LRRC49: variants seen among roughly 807,000 people sequenced by gnomAD.
LRRC49 encodes the protein leucine-rich repeat-containing protein 49.
LRRC49 carries 50 observed loss-of-function variants against 83.3 expected under a neutral mutation model. The ratio of observed to expected loss-of-function variants is 0.60; its 90% CI spans 0.48 to 0.76. The LOEUF (loss-of-function observed/expected upper bound fraction) is 0.76, where lower values mean the gene tolerates loss of function less well. LRRC49 is among the 30% of genes least tolerant of loss of function. The pLI is 0.00. For missense variants in LRRC49, 704 were observed against 809.1 expected, an observed-to-expected ratio of 0.87 and a Z score of 1.58; for synonymous variants, 286 against 283.3, an observed-to-expected ratio of 1.01 and a Z score of -0.10.
intron 7 of LRRC49, among the ~76,000 whole-genome samples, chr15:70,927,760 A>T (rs563608621): frequency 3.5e-4 from 53 of 152,040 alleles, no homozygotes; most frequent in African/African-American, 1.3e-3. Flanking sequence ...CAATCCTCCC[A>T]CCTCAGCCTT....
intron 1 of LRRC49, among the ~76,000 whole-genome samples, chr15:70,868,838 A>G (rs933280097): frequency 2.6e-5 from 4 of 152,262 alleles, no homozygotes; most frequent in African/African-American, 9.6e-5. Context: ...AGATAATCCC[A>G]TCTAATCATT....
intron 9 of LRRC49, among the ~76,000 whole-genome samples, chr15:70,978,134 A>G (rs1336188950): frequency 1.3e-5 from 2 of 152,116 alleles, no homozygotes; most frequent in Non-Finnish European, 2.9e-5. Context: ...ACCTTCTTTA[A>G]TTCTAATATA....
At chr15:70,998,147 G>T (rs1165649788) in intron 11 of LRRC49, among the ~76,000 whole-genome samples, 2 of 151,994 alleles carry the variant, frequency 1.3e-5, no homozygotes, top group African/African-American at 4.8e-5. Flanking sequence ...TAAACATTGT[G>T]TGCACATTAT....
At chr15:70,878,016 C>T (rs2141081338) in intron 2 of LRRC49, among the ~76,000 whole-genome samples, 1 of 152,146 alleles carries the variant, frequency 6.6e-6, no homozygotes, top group East Asian at 1.9e-4. Flanking sequence ...GCCTGTAGTC[C>T]CAGCTACTCA....
chr15:71,041,979 CA>C (rs1415276807), intron 15 of LRRC49, among the ~76,000 whole-genome samples: 1 of 152,050 alleles, frequency 6.6e-6, no homozygotes, highest in Non-Finnish European at 1.5e-5. Context: ...CACCATGCAA[CA>C]AAAAATTAAC....
At chr15:71,025,875 C>G (rs920368394) in intron 14 of LRRC49, among the ~76,000 whole-genome samples, 4 of 152,100 alleles carry the variant, frequency 2.6e-5, no homozygotes, top group African/African-American at 9.7e-5. Context: ...ATTCATGAAA[C>G]AACTTCTTAG....
chr15:70,859,606 TGAC>T, intron 1 of LRRC49: 1 of 645,800 alleles, frequency 1.5e-6, no homozygotes, highest in Admixed American at 1.9e-5. Flanking sequence ...AGCTTGGGCA[TGAC>T]CTGCAGCCTA....
intron 1 of LRRC49, 23 bp from the exon 2 acceptor site, chr15:70,893,561 A>G (rs2033684133): frequency 1.3e-6 from 2 of 1,543,492 alleles, no homozygotes; most frequent in African/African-American, 1.4e-5. Context: ...AGCAAATTTT[A>G]TGGTTTAATT....
At chr15:70,956,668 TAA>T (rs1325472782) in intron 8 of LRRC49, among the ~76,000 whole-genome samples, 2 of 152,160 alleles carry the variant, frequency 1.3e-5, no homozygotes, top group Non-Finnish European at 2.9e-5. Flanking sequence ...TATTTGTACT[TAA>T]GAGTATTGTT....
rs1407121276 is a variant in LRRC49, at chr15:71,051,395, T to C, written c.*1783T>C. Reference sequence around the variant, plus strand: ...AGCTATTAGCATTGCTTTCTGATCCTTTAGCCTCTCCAAACTGAAACATAT... The same window carrying C: ...AGCTATTAGCATTGCTTTCTGATCCCTTAGCCTCTCCAAACTGAAACATAT... On this transcript the variant is annotated 3_prime_UTR_variant, in exon 16 of 16. Transcript: ENST00000260382. The C allele has an allele frequency of 6.6e-6, 1 of 152,262 alleles. No individual in the cohort carries two copies. The highest frequency in any genetic ancestry group is 1.5e-5 in the Non-Finnish European group (1 of 68,078). The allele number at this position is 152,262 out of a possible 1,614,324, so 9.4% of individuals were successfully genotyped here.
rs1359160068 is a variant in LRRC49 at position 71,052,996 on chromosome 15, G to A, written c.*3384G>A. The A allele has an allele frequency of 6.6e-6, 1 of 152,166 alleles. No homozygotes were observed. Among genetic ancestry groups the A allele is most frequent in the African/African-American group, 2.4e-5 (1 of 41,444 alleles). 9.4% of individuals were successfully genotyped at this position (152,166 alleles called of 1,614,324 possible). A position where few individuals can be genotyped will look rare whatever the true frequency, so the allele number is the denominator to read the frequency against. On this transcript the variant is annotated 3_prime_UTR_variant, in exon 16 of 16. Transcript: ENST00000260382. ...ATGTGCGGTATAAATACTAACAAAT[G>A]TATAAGTACACATGTACAATATTGT...
chr15:71,030,719 T>G (rs956170558), intron 14 of LRRC49, among the ~76,000 whole-genome samples: 8 of 152,118 alleles, frequency 5.3e-5, no homozygotes, highest in African/African-American at 1.9e-4. Context: ...TCATTCCTTT[T>G]CATTCTTTTT....
Position 70,963,885 on chromosome 15 carries a change from C to G in LRRC49, c.874C>G (p.Leu292Val), listed in dbSNP as rs1448245064. The G allele has an allele frequency of 5.0e-6, 8 of 1,613,504 alleles. No individual in the cohort carries two copies. The Admixed American group carries it at 1.3e-4, about 27-fold the overall frequency. Residue 292 changes from leucine to valine, a missense_variant, in exon 9 of 16, where the codon CTT becomes GTT. Transcript: ENST00000260382. ...AQESWYKHTVLQNMMQLRQLD... is the reference protein window; with the variant it reads ...AQESWYKHTVVQNMMQLRQLD... ...AGAGTCATGGTACAAACACACTGTC[C>G]TTCAGAATATGATGCAGCTGCGCCA...
intron 1 of LRRC49, chr15:70,860,222 A>G (rs546540398): frequency 0.011 from 6,703 of 583,558 alleles, 62 homozygotes; most frequent in Non-Finnish European, 0.014. Flanking sequence ...GCCCTGGAGG[A>G]GGCCGCTGTG....
chr15:71,027,798 C>T (rs1412977159), intron 14 of LRRC49, among the ~76,000 whole-genome samples: 3 of 152,130 alleles, frequency 2.0e-5, no homozygotes, highest in Non-Finnish European at 2.9e-5. Context: ...ATTTTGTATC[C>T]TGAGACTTTG....
intron 7 of LRRC49, among the ~76,000 whole-genome samples, chr15:70,935,467 A>T (rs75934092): frequency 0.029 from 4,428 of 152,230 alleles, 220 homozygotes; most frequent in African/African-American, 0.1. Context: ...AAATAAATAC[A>T]GCATTTTGGG....
At chr15:70,914,232 G>A (rs375804352) in intron 6 of LRRC49, among the ~76,000 whole-genome samples, 9 of 152,068 alleles carry the variant, frequency 5.9e-5, no homozygotes, top group African/African-American at 2.2e-4. Flanking sequence ...AAAAAGCCAG[G>A]AAGGAACTAT....
In LRRC49 at chr15:70,993,894, G is replaced by T. The variant is rs541943230; in HGVS notation, c.1169+9637G>T. ...GAGTCTCGCTGTGTCTCCCAGGCTG[G>T]AGGGCAGTGGTGCGATGTTGGCTCA... is the stretch of plus-strand genomic sequence containing the variant. On this transcript the variant is annotated intron_variant, in intron 11 of 15. Transcript: ENST00000260382. Among the ~76,000 whole-genome samples the T allele has an allele frequency of 9.2e-5, 14 of 152,092 alleles. No homozygotes were observed. In the South Asian group the frequency reaches 2.5e-3, roughly 27 times the overall value.
chr15:70,883,421 T>C (rs905099922), intron 2 of LRRC49, among the ~76,000 whole-genome samples: 17 of 152,142 alleles, frequency 1.1e-4, no homozygotes, highest in African/African-American at 4.1e-4. Context: ...CTCGAACTCC[T>C]AACCTCAGGT....
Sources: allele counts gnomAD v4.1 joint callset (sites outside exome capture counted in the v4.1 genomes callset), GRCh38; gene constraint gnomAD v4.1.1; transcripts MANE v1.5; gene names NCBI Gene and HGNC (gene_info 2026-07-23, HGNC 2026-07-21).